Variants in CSMD2 observed in about 807,000 individuals in gnomAD.
The protein encoded by CSMD2 is CUB and Sushi multiple domains 2.
A neutral mutation model predicts 398.5 loss-of-function variants in CSMD2; 130 were observed. The observed-to-expected ratio is 0.33, with a 90% confidence interval of 0.28 to 0.38. The LOEUF (loss-of-function observed/expected upper bound fraction) is 0.38, where lower values mean the gene tolerates loss of function less well. Ranked by LOEUF, CSMD2 falls within the 10% of genes least tolerant of loss-of-function variation. The probability of loss-of-function intolerance (pLI) is 1.00; values close to 1 mark genes in which losing one functional copy is unlikely to be tolerated. For synonymous variants in CSMD2, 1,828 were observed against 1,908.5 expected (o/e 0.96, Z 1.10); for missense variants, 3,829 against 4,764.9 (o/e 0.80, Z 5.78).
chr1:33,778,026 A>T (rs1239332893), intron 12 of CSMD2, among the ~76,000 whole-genome samples: 2 of 152,106 alleles, frequency 1.3e-5, no homozygotes, highest in Non-Finnish European at 2.9e-5. Flanking sequence ...CTCCTTCACT[A>T]ACTCATTATT....
intron 15 of CSMD2, among the ~76,000 whole-genome samples, chr1:33,737,520 C>G (rs944884704): frequency 6.6e-6 from 1 of 152,182 alleles, no homozygotes; most frequent in African/African-American, 2.4e-5. Context: ...ACTCTTCAAG[C>G]GGGTTCCCAT....
chr1:33,830,801 C>A (rs981210367), intron 6 of CSMD2, among the ~76,000 whole-genome samples: 3 of 152,150 alleles, frequency 2.0e-5, no homozygotes, highest in Non-Finnish European at 4.4e-5. Context: ...ATAACCAATA[C>A]AGAGAAGTGC....
Position 33,835,159 on chromosome 1 carries a change from C to A in CSMD2, c.1034-9385G>T, listed in dbSNP as rs1427747776. On this transcript the variant is annotated intron_variant, in intron 6 of 70. Coordinates refer to ENST00000373381, the MANE Select transcript of CSMD2 (RefSeq NM_001281956.2). ...CAGCCATCCCATTACTGGGTATATACCCAAAGGACTATAAATCATGCTGCT... is the reference window on the plus strand; with the variant it reads ...CAGCCATCCCATTACTGGGTATATAACCAAAGGACTATAAATCATGCTGCT... Among the ~76,000 whole-genome samples, 4 of 43,610 alleles carry A rather than the reference C, an allele frequency of 9.2e-5. 2 individuals carry two copies. In the Admixed American group the frequency reaches 1.3e-3, roughly 14 times the overall value. The allele number at this position is 43,610 out of a possible 152,430, so 28.6% of individuals were successfully genotyped here. A position where few individuals can be genotyped will look rare whatever the true frequency, so the allele number is the denominator to read the frequency against.
chr1:33,685,513 C>T (rs919547282), intron 25 of CSMD2, among the ~76,000 whole-genome samples: 1 of 152,212 alleles, frequency 6.6e-6, no homozygotes, highest in African/African-American at 2.4e-5. Flanking sequence ...AGTGTTCCAA[C>T]AGCTCCTTAT....
chr1:33,628,720 T>A (rs1642281670), intron 32 of CSMD2, among the ~76,000 whole-genome samples: 1 of 149,466 alleles, frequency 6.7e-6, no homozygotes, highest in African/African-American at 2.5e-5. Context: ...TTTCCTAAGA[T>A]GTGAGGTACA....
intron 1 of CSMD2, among the ~76,000 whole-genome samples, chr1:34,097,939 T>C (rs373822886): frequency 7.6e-4 from 94 of 123,382 alleles, no homozygotes; most frequent in Admixed American, 1.4e-3. Flanking sequence ...CTATAAATCA[T>C]GCTGCTATAA....
At chr1:33,964,951 T>C (rs924289740) in intron 3 of CSMD2, among the ~76,000 whole-genome samples, 1 of 152,204 alleles carries the variant, frequency 6.6e-6, no homozygotes. Flanking sequence ...GATGAGAACT[T>C]GCATTTAGCA....
chr1:33,635,202 C>G lies in CSMD2; in HGVS notation c.5086+12G>C. The G allele has an allele frequency of 3.2e-6, 5 of 1,559,448 alleles. No individual in the cohort carries two copies. The highest frequency in any genetic ancestry group is 4.4e-6 in the Non-Finnish European group (5 of 1,132,246). On this transcript the variant is annotated intron_variant, in intron 31 of 70. Transcript: ENST00000373381. This position sits in a 1 kb window ranked among gnomAD's most constrained non-coding sequence, Gnocchi z 5.0. ...CAGAAAACATATGAACAACAACAAC[C>G]AAAACCCATACCATAGTCCTTGGGC...
intron 3 of CSMD2, among the ~76,000 whole-genome samples, chr1:33,967,257 CTT>C (rs563818329): frequency 3.0e-5 from 4 of 135,122 alleles, no homozygotes; most frequent in East Asian, 4.5e-4. Context: ...ACTTCACAGA[CTT>C]TTTTTTTTAA....
intron 12 of CSMD2, among the ~76,000 whole-genome samples, chr1:33,788,285 G>A (rs548169079): frequency 2.0e-5 from 3 of 151,958 alleles, no homozygotes; most frequent in Non-Finnish European, 4.4e-5. Flanking sequence ...AGGCAGGTGG[G>A]TCATTTGAGG....
rs772884746 is a variant in CSMD2, at chr1:33,633,574, C to A, written c.5087-39G>T. ...ACAGTGTGGGGACTGGGCAGGCACGCTGGGGGCAGGAGAGGGGATCTAGGG... is the reference window on the plus strand; with the variant it reads ...ACAGTGTGGGGACTGGGCAGGCACGATGGGGGCAGGAGAGGGGATCTAGGG... On this transcript the variant is annotated intron_variant, in intron 31 of 70. Coordinates refer to ENST00000373381, the MANE Select transcript of CSMD2 (RefSeq NM_001281956.2). This position sits in a 1 kb window ranked among gnomAD's most constrained non-coding sequence, Gnocchi z 5.0. The A allele has an allele frequency of 6.8e-7, 1 of 1,473,518 alleles. No individual in the cohort carries two copies. Among genetic ancestry groups the A allele is most frequent in the Admixed American group, 2.0e-5 (1 of 50,866 alleles). 91.3% of individuals were successfully genotyped at this position (1,473,518 alleles called of 1,614,324 possible).
chr1:33,699,750 T>C (rs758664006), intron 23 of CSMD2, among the ~76,000 whole-genome samples: 11 of 152,230 alleles, frequency 7.2e-5, no homozygotes, highest in Non-Finnish European at 1.3e-4. Flanking sequence ...TGTCTTTTAG[T>C]AGATTCAGAG....
At chr1:34,155,205 A>T (rs1489639644) in intron 1 of CSMD2, among the ~76,000 whole-genome samples, 1 of 152,184 alleles carries the variant, frequency 6.6e-6, no homozygotes, top group Non-Finnish European at 1.5e-5. Flanking sequence ...ATTAATTCAA[A>T]TGTTACCCAC....
intron 12 of CSMD2, among the ~76,000 whole-genome samples, chr1:33,780,818 C>A (rs749814739): frequency 6.6e-6 from 1 of 152,168 alleles, no homozygotes; most frequent in African/African-American, 2.4e-5. Context: ...GGAAACTCAG[C>A]GGGCATCTTA....
At chr1:34,147,581 A>T (rs570763000) in intron 1 of CSMD2, among the ~76,000 whole-genome samples, 2 of 152,260 alleles carry the variant, frequency 1.3e-5, no homozygotes, top group South Asian at 4.2e-4. Flanking sequence ...GAATTGGCAG[A>T]CACCATCTCA....
At chr1:33,935,646 C>A (rs1052520947) in intron 4 of CSMD2, 114 bp downstream of exon 4, 3 of 1,135,514 alleles carry the variant, frequency 2.6e-6, no homozygotes, top group African/African-American at 3.1e-5. Flanking sequence ...GACTTGGGTA[C>A]CCCCCTCCCT....
intron 3 of CSMD2, among the ~76,000 whole-genome samples, chr1:34,031,744 G>A (rs1414812290): frequency 1.0e-5 from 1 of 97,782 alleles, no homozygotes; most frequent in Non-Finnish European, 1.9e-5. Flanking sequence ...TACTCTTTAA[G>A]TTCTTAAACA....
intron 57 of CSMD2, among the ~76,000 whole-genome samples, chr1:33,545,013 T>C (rs950857144): frequency 6.6e-6 from 1 of 152,140 alleles, no homozygotes; most frequent in Admixed American, 6.5e-5. Flanking sequence ...CATGGTCCCA[T>C]GCTGACTGCT....
intron 5 of CSMD2, among the ~76,000 whole-genome samples, chr1:33,914,889 C>G (rs1322111346): frequency 1.3e-5 from 2 of 152,168 alleles, no homozygotes; most frequent in Non-Finnish European, 2.9e-5. Flanking sequence ...GAGGAGTTGG[C>G]AGGTTTTCTT....
Sources: allele counts gnomAD v4.1 joint callset (sites outside exome capture counted in the v4.1 genomes callset), GRCh38; gene constraint gnomAD v4.1.1; non-coding constraint Gnocchi (gnomAD v3.1); transcripts MANE v1.5; gene names NCBI Gene and HGNC (gene_info 2026-07-23, HGNC 2026-07-21).